FEZ2: variants seen among roughly 807,000 people sequenced by gnomAD.
FEZ2 encodes fasciculation and elongation protein zeta-2.
FEZ2 carries 51 observed loss-of-function variants against 40.4 expected under a neutral mutation model. The ratio of observed to expected loss-of-function variants is 1.26; its 90% CI spans 1.01 to 1.59. FEZ2 has a LOEUF of 1.59. Among genes scored for constraint, FEZ2 ranks in the 40% most tolerant of loss-of-function variants. FEZ2 has a pLI of 0.00. For missense variants in FEZ2, 640 were observed against 438.3 expected (o/e 1.46, Z -4.11); for synonymous variants, 242 against 172.0 (o/e 1.41, Z -3.18).
intron 5 of FEZ2, among the ~76,000 whole-genome samples, chr2:36,571,225 A>C (rs184688533): frequency 1.3e-5 from 2 of 152,370 alleles, no homozygotes; most frequent in East Asian, 3.9e-4. Context: ...TATATAGTCA[A>C]GTTTTTCTCC....
At chr2:36,570,353 A>T (rs1668373819) in intron 5 of FEZ2, among the ~76,000 whole-genome samples, 1 of 152,154 alleles carries the variant, frequency 6.6e-6, no homozygotes, top group African/African-American at 2.4e-5. Flanking sequence ...TAATACAAAG[A>T]TCTTCAAAAT....
Position 36,578,828 on chromosome 2 carries a change from G to T in FEZ2, c.672C>A (p.Ile224=), listed in dbSNP as rs1343138614. The T allele has an allele frequency of 1.9e-5, 31 of 1,612,926 alleles. No individual in the cohort carries two copies. Among genetic ancestry groups the T allele is most frequent in the Non-Finnish European group, 2.4e-5 (28 of 1,179,632 alleles). Residue 224 remains isoleucine, a synonymous_variant, in exon 5 of 8, where the codon ATC becomes ATA. Coordinates refer to ENST00000405912, the MANE Select transcript of FEZ2 (RefSeq NM_005102.3). ...KRLSVSELNE[I]LEEIETAIKE... is the part of the protein sequence containing the mutation. Reference sequence around the variant, plus strand: ...TAATGGCAGTCTCAATTTCTTCCAGGATTTCATTTAACTCAGACACTGAGA... The same window carrying T: ...TAATGGCAGTCTCAATTTCTTCCAGTATTTCATTTAACTCAGACACTGAGA...
At chr2:36,567,599 T>C (rs1460087205) in intron 5 of FEZ2, among the ~76,000 whole-genome samples, 1 of 151,806 alleles carries the variant, frequency 6.6e-6, no homozygotes, top group Non-Finnish European at 1.5e-5. Context: ...TCATCTCTAC[T>C]AAAAGTACAA....
At position 36,578,714 on chromosome 2, in the gene FEZ2, A is replaced by T; in HGVS notation, c.786T>A (p.Val262=). 3 of 1,613,834 alleles carry T rather than the reference A, an allele frequency of 1.9e-6. No homozygotes were observed. Among genetic ancestry groups the T allele is most frequent in the African/African-American group, 1.3e-5 (1 of 74,946 alleles). ...TCTGTTTGTTTTGCACTTCAATAAG[A>T]ACAGAAATAAAGCTGTTTTTCACTT... ...EKEVKNSFIS[V]LIEVQNKQKE... is the part of the protein sequence containing the mutation. Residue 262 remains valine (V), a synonymous_variant, in exon 5 of 8, where the codon GTT becomes GTA. Transcript: ENST00000405912.
At chr2:36,592,189 T>C (rs764794840) in intron 1 of FEZ2, among the ~76,000 whole-genome samples, 1 of 152,180 alleles carries the variant, frequency 6.6e-6, no homozygotes, top group African/African-American at 2.4e-5. Context: ...GGTATCTAAT[T>C]GTGAATAAGC....
Position 36,553,033 on chromosome 2 carries a change from G to C in FEZ2, c.*130C>G, listed in dbSNP as rs967875241. 3 of 724,118 alleles carry C rather than the reference G, an allele frequency of 4.1e-6. No homozygotes were observed. Among genetic ancestry groups the C allele is most frequent in the Middle Eastern group, 2.4e-4 (1 of 4,234 alleles). The allele number at this position is 724,118 out of a possible 1,614,324, so 44.9% of individuals were successfully genotyped here. ...TAAAGAATTAGTGTAGTCAAGATCT[G>C]TTAATACTGAATCAAACCCAAGTTC... On this transcript the variant is annotated 3_prime_UTR_variant, in exon 8 of 8. Transcript: ENST00000405912.
At chr2:36,574,612 G>A (rs1668509854) in intron 5 of FEZ2, among the ~76,000 whole-genome samples, 1 of 151,354 alleles carries the variant, frequency 6.6e-6, no homozygotes, top group African/African-American at 2.4e-5. Flanking sequence ...AAGAAAGGAA[G>A]ACAATGCTTG....
At chr2:36,585,655 C>G (rs1206893339) in intron 2 of FEZ2, among the ~76,000 whole-genome samples, 1 of 152,074 alleles carries the variant, frequency 6.6e-6, no homozygotes, top group Non-Finnish European at 1.5e-5. Context: ...AAGAAAAAAC[C>G]TAAGTAGAAA....
intron 1 of FEZ2, among the ~76,000 whole-genome samples, chr2:36,597,191 C>A (rs1388678692): frequency 6.6e-6 from 1 of 152,120 alleles, no homozygotes; most frequent in Non-Finnish European, 1.5e-5. Context: ...AATGCTGCCT[C>A]GCACGTTGGT....
In FEZ2 at chr2:36,598,085, G is replaced by C. The variant is rs2148356915; in HGVS notation, c.58C>G (p.Leu20Val). The C allele has an allele frequency of 1.3e-6, 2 of 1,497,752 alleles. No individual in the cohort carries two copies. The highest frequency in any genetic ancestry group is 1.8e-6 in the Non-Finnish European group (2 of 1,130,056). The allele number at this position is 1,497,752 out of a possible 1,614,324, so 92.8% of individuals were successfully genotyped here. Residue 20 changes from leucine (L) to valine (V), a missense_variant, in exon 1 of 8, where the codon CTC (leucine) becomes GTC (valine). By Grantham distance (32) the Leu-to-Val change is conservative. Coordinates refer to ENST00000405912, the MANE Select transcript of FEZ2 (RefSeq NM_005102.3). ...GCGTTACAGTTCTCCTGGTCCAGGA[G>C]GCTCCGGGCCGGCTCCTGGAACTCA... ...FYEFQEPARSLLDQENCNASP... is the reference protein window; with the variant it reads ...FYEFQEPARSVLDQENCNASP...
At chr2:36,564,207 A>G (rs1668169881) in intron 5 of FEZ2, among the ~76,000 whole-genome samples, 1 of 152,170 alleles carries the variant, frequency 6.6e-6, no homozygotes. Flanking sequence ...TTAATGGCCA[A>G]TTGGACATCT....
chr2:36,554,213 G>A (rs757011040), intron 7 of FEZ2: 1 of 471,120 alleles, frequency 2.1e-6, no homozygotes, highest in Non-Finnish European at 4.4e-6. Flanking sequence ...GAATTAGATG[G>A]GTGCTGCTTC....
chr2:36,594,488 G>A lies in FEZ2; in HGVS notation c.266+3389C>T, dbSNP rs35774713. The A allele has an allele frequency of 5.4e-3, 1,062 of 196,960 alleles. 5 individuals carry two copies. The highest frequency in any genetic ancestry group is 0.016 in the Middle Eastern group (8 of 500). 12.2% of individuals were successfully genotyped at this position (196,960 alleles called of 1,614,324 possible). On this transcript the variant is annotated intron_variant, in intron 1 of 7. Coordinates refer to ENST00000405912, the MANE Select transcript of FEZ2 (RefSeq NM_005102.3). ...CACTTCTTACATGGCGGCAGCAAGG[G>A]AAAATGAGGAAGGAGCAAAAGCGGA...
At chr2:36,581,163 A>C (rs1573021759) in intron 4 of FEZ2, 127 bp downstream of exon 4, 1 of 960,488 alleles carries the variant, frequency 1.0e-6, no homozygotes, top group Non-Finnish European at 1.6e-6. Flanking sequence ...ACAACAACAA[A>C]AATGTAAATT....
chr2:36,568,545 G>A (rs917216419), intron 5 of FEZ2, among the ~76,000 whole-genome samples: 1 of 152,124 alleles, frequency 6.6e-6, no homozygotes, highest in African/African-American at 2.4e-5. Flanking sequence ...AAGTTATTTT[G>A]TAATTGATTC....
Position 36,553,157 on chromosome 2 carries a change from G to A in FEZ2, c.*6C>T, listed in dbSNP as rs1292551558. On this transcript the variant is annotated 3_prime_UTR_variant, in exon 8 of 8. Transcript: ENST00000405912. ...CTTGGAGCCCACCGCAGATAAAGTTGCTGCTCTATGTAGGACACAGAACTA... is the reference window on the plus strand; with the variant it reads ...CTTGGAGCCCACCGCAGATAAAGTTACTGCTCTATGTAGGACACAGAACTA... 6.4e-7 allele frequency: 1 copy of A among 1,566,158 alleles called. No individual in the cohort carries two copies. Among genetic ancestry groups the A allele is most frequent in the South Asian group, 1.2e-5 (1 of 84,922 alleles).
intron 1 of FEZ2, among the ~76,000 whole-genome samples, chr2:36,593,082 C>T (rs964555187): frequency 2.0e-5 from 3 of 152,182 alleles, no homozygotes; most frequent in African/African-American, 7.2e-5. Context: ...AATTTTCAAA[C>T]ACTGAATGAC....
At chr2:36,582,722 T>C (rs1474965735) in intron 3 of FEZ2, among the ~76,000 whole-genome samples, 2 of 152,180 alleles carry the variant, frequency 1.3e-5, no homozygotes, top group East Asian at 3.8e-4. Context: ...ACTGATCTCA[T>C]CTTTCCAGCC....
At chr2:36,558,371 C>T (rs1299147836) in intron 6 of FEZ2, 67 bp downstream of exon 6, 1 of 945,662 alleles carries the variant, frequency 1.1e-6, no homozygotes, top group Non-Finnish European at 1.6e-6. Context: ...AATCAGCCAA[C>T]TAAAGTCAGG....
Sources: gnomAD v4.1 joint callset for allele counts (sites outside exome capture counted in the v4.1 genomes callset) on GRCh38, gnomAD v4.1.1 for gene constraint, MANE v1.5 for transcripts, NCBI Gene and HGNC (gene_info 2026-07-23, HGNC 2026-07-21) for gene names.